The following VAMP7 variants were observed in gnomAD, a reference collection of about 807,000 sequenced individuals.
VAMP7 encodes vesicle associated membrane protein 7.
VAMP7 carries 14 observed loss-of-function variants against 29.6 expected under a neutral mutation model. The ratio of observed to expected loss-of-function variants is 0.47; its 90% CI spans 0.31 to 0.74. The LOEUF is 0.74. Ranked by LOEUF, VAMP7 falls within the 30% of genes least tolerant of loss-of-function variation. The pLI is 0.05. For missense variants in VAMP7, 223 were observed against 262.4 expected (o/e 0.85, Z 1.04); for synonymous variants, 95 against 88.1 (o/e 1.08, Z -0.44).
intron 6 of VAMP7, among the ~76,000 whole-genome samples, chrX:155,923,648 A>G (rs1231581005): frequency 6.6e-6 from 1 of 151,646 alleles, no homozygotes; most frequent in Non-Finnish European, 1.5e-5. Context: ...ATTATAATAT[A>G]TATGCCTTGG....
chrX:155,884,778 A>G (rs1569430033), intron 1 of VAMP7, among the ~76,000 whole-genome samples: 1 of 152,202 alleles, frequency 6.6e-6, no homozygotes, highest in Non-Finnish European at 1.5e-5. Flanking sequence ...GAATTAAAAG[A>G]TTTCTCAAAA....
At position 155,915,199 on chromosome X, in the gene VAMP7, A is replaced by C. The variant is rs377045377; in HGVS notation, c.434-4614A>C. 2.6e-4 allele frequency among the ~76,000 whole-genome samples: 40 copies of C among 152,242 alleles called. No individual in the cohort carries two copies. In the East Asian group the frequency reaches 6.2e-3, roughly 23 times the overall value. On this transcript the variant is annotated intron_variant, in intron 5 of 7. Coordinates refer to ENST00000286448, the MANE Select transcript of VAMP7 (RefSeq NM_005638.6). Reference sequence around the variant, plus strand: ...TGGTAGTTTGTATTTCTGTGGGATCAGTGGTGATACCCCCTTTATCATTTT... The same window carrying C: ...TGGTAGTTTGTATTTCTGTGGGATCCGTGGTGATACCCCCTTTATCATTTT...
rs956791056 is a variant in VAMP7, at chrX:155,942,598, C to T, written c.*647C>T. 2 of 171,628 alleles carry T rather than the reference C, an allele frequency of 1.2e-5. No individual in the cohort carries two copies. The highest frequency in any genetic ancestry group is 2.5e-5 in the Non-Finnish European group (2 of 79,016). 10.6% of individuals were successfully genotyped at this position (171,628 alleles called of 1,614,324 possible). ...CAGGAATAAAGTTCAGTGTGCTGAT[C>T]ATTCACAATACAGTGGATAGCTTGA... is the stretch of plus-strand genomic sequence containing the variant. On this transcript the variant is annotated 3_prime_UTR_variant, in exon 8 of 8. Coordinates refer to ENST00000286448, the MANE Select transcript of VAMP7 (RefSeq NM_005638.6).
chrX:155,905,330 C>G (rs372431789), intron 5 of VAMP7, among the ~76,000 whole-genome samples: 7 of 152,164 alleles, frequency 4.6e-5, no homozygotes, highest in African/African-American at 1.4e-4. Flanking sequence ...AGACCCTTAT[C>G]AGATACATGA....
At chrX:155,916,141 G>A (rs1377951677) in intron 5 of VAMP7, among the ~76,000 whole-genome samples, 1 of 151,994 alleles carries the variant, frequency 6.6e-6, no homozygotes, top group Non-Finnish European at 1.5e-5. Flanking sequence ...ATCTTTGTTG[G>A]TTTAAAGTCT....
At chrX:155,906,611 G>A (rs995920532) in intron 5 of VAMP7, among the ~76,000 whole-genome samples, 1 of 151,892 alleles carries the variant, frequency 6.6e-6, no homozygotes, top group Non-Finnish European at 1.5e-5. Flanking sequence ...TTCATTTTCG[G>A]ATTGTTCAGT....
chrX:155,902,906 C>G (rs2066087711), intron 5 of VAMP7, among the ~76,000 whole-genome samples: 1 of 151,606 alleles, frequency 6.6e-6, no homozygotes, highest in Non-Finnish European at 1.5e-5. Context: ...GGAGGACTCC[C>G]TCTTTTTCTA....
At position 155,909,357 on chromosome X, in the gene VAMP7, G is replaced by GT. The variant is rs999686225; in HGVS notation, c.433+8776dup. Among the ~76,000 whole-genome samples the GT allele has an allele frequency of 5.9e-5, 9 of 152,148 alleles. 1 individual carries two copies. The highest frequency in any genetic ancestry group is 2.1e-4 in the South Asian group (1 of 4,826). ...TTCATTTCTGATTTTAGTAATGTAAGTTTTTTCTGTTTTACTTGGTCATTC... is the reference window on the plus strand; with the variant it reads ...TTCATTTCTGATTTTAGTAATGTAAGTTTTTTTCTGTTTTACTTGGTCATTC... On this transcript the variant is annotated intron_variant, in intron 5 of 7. Transcript: ENST00000286448.
intron 5 of VAMP7, among the ~76,000 whole-genome samples, chrX:155,911,387 C>T (rs1317862182): frequency 2.0e-5 from 3 of 152,060 alleles, no homozygotes; most frequent in African/African-American, 7.2e-5. Context: ...AGTGTGATGC[C>T]TCCAGCTTTG....
At chrX:155,935,030 C>A (rs1459960133) in intron 6 of VAMP7, among the ~76,000 whole-genome samples, 1 of 152,128 alleles carries the variant, frequency 6.6e-6, no homozygotes, top group Non-Finnish European at 1.5e-5. Context: ...ATATTGGCCC[C>A]CACTCTCTTC....
At chrX:155,888,185 C>G (rs1267985915) in intron 1 of VAMP7, among the ~76,000 whole-genome samples, 3 of 152,184 alleles carry the variant, frequency 2.0e-5, no homozygotes, top group African/African-American at 7.2e-5. Context: ...ACCTTCTGCT[C>G]TGTGTGCTGT....
intron 5 of VAMP7, among the ~76,000 whole-genome samples, chrX:155,912,996 A>C (rs931623674): frequency 6.6e-6 from 1 of 152,282 alleles, no homozygotes; most frequent in South Asian, 2.1e-4. Context: ...AAGCATTCCT[A>C]TTGCTCCACA....
At chrX:155,888,738 G>A (rs1428459617) in intron 1 of VAMP7, among the ~76,000 whole-genome samples, 3 of 152,080 alleles carry the variant, frequency 2.0e-5, no homozygotes, top group Non-Finnish European at 2.9e-5. Flanking sequence ...TTCTGTTATG[G>A]ATAATGCCTT....
At chrX:155,931,017 A>G (rs947692183) in intron 6 of VAMP7, among the ~76,000 whole-genome samples, 2 of 152,106 alleles carry the variant, frequency 1.3e-5, no homozygotes, top group African/African-American at 2.4e-5. Context: ...AGCTTCATCC[A>G]TGTCCCTGCA....
intron 5 of VAMP7, among the ~76,000 whole-genome samples, chrX:155,905,997 A>G (rs1182497136): frequency 6.6e-6 from 1 of 151,810 alleles, no homozygotes; most frequent in Admixed American, 6.6e-5. Flanking sequence ...TTTTAACAAT[A>G]TTAAACTTCT....
chrX:155,885,971 A>G (rs2065860509), intron 1 of VAMP7, among the ~76,000 whole-genome samples: 1 of 152,206 alleles, frequency 6.6e-6, no homozygotes, highest in African/African-American at 2.4e-5. Flanking sequence ...CAGGATTCTT[A>G]GCAGGAATAA....
At chrX:155,909,887 GATCAAGTCAGGATA>G (rs1312018832) in intron 5 of VAMP7, among the ~76,000 whole-genome samples, 3 of 152,074 alleles carry the variant, frequency 2.0e-5, no homozygotes, top group Admixed American at 1.3e-4. Context: ...ACTGTGTAAT[GATCAAGTCAGGATA>G]TATGGGGTGT....
chrX:155,938,563 C>T (rs183425748), intron 6 of VAMP7, among the ~76,000 whole-genome samples: 13 of 152,310 alleles, frequency 8.5e-5, no homozygotes, highest in South Asian at 2.1e-4. Context: ...AACTAGAGCA[C>T]GAACAGTACC....
intron 3 of VAMP7, among the ~76,000 whole-genome samples, chrX:155,897,630 T>C (rs765036706): frequency 1.3e-5 from 2 of 152,282 alleles, no homozygotes; most frequent in South Asian, 2.1e-4. Flanking sequence ...TGGCTGGGAT[T>C]AGACATGAGT....
Sources: allele counts gnomAD v4.1 joint callset (sites outside exome capture counted in the v4.1 genomes callset), GRCh38; gene constraint gnomAD v4.1.1; transcripts MANE v1.5; gene names NCBI Gene and HGNC (gene_info 2026-07-23, HGNC 2026-07-21).